The following PHTF1 variants were observed in gnomAD, a reference collection of about 807,000 sequenced individuals.
The protein encoded by PHTF1 is protein PHTF1.
Under a neutral mutation model 102.4 loss-of-function variants are expected in PHTF1, and 88 were observed. The observed-to-expected ratio is 0.86, with a 90% CI of 0.72 to 1.03. The LOEUF (loss-of-function observed/expected upper bound fraction) is 1.03. Ranked by LOEUF, PHTF1 falls within the 50% of genes least tolerant of loss-of-function variation. The probability of loss-of-function intolerance (pLI) is 0.00; values close to 1 mark genes in which losing one functional copy is unlikely to be tolerated. For synonymous variants in PHTF1, 289 were observed against 305.2 expected, an observed-to-expected ratio of 0.95 and a Z score of 0.55; for missense variants, 814 against 909.5, an observed-to-expected ratio of 0.89 and a Z score of 1.35.
chr1:113,750,100 T>TC (rs1557972787), intron 3 of PHTF1, among the ~76,000 whole-genome samples: 1 of 151,870 alleles, frequency 6.6e-6, no homozygotes, highest in African/African-American at 2.4e-5. Flanking sequence ...GCTCAGGCGA[T>TC]CCCCCCCAAC....
At chr1:113,723,937 A>C (rs1348133007) in intron 7 of PHTF1, among the ~76,000 whole-genome samples, 1 of 152,204 alleles carries the variant, frequency 6.6e-6, no homozygotes, top group African/African-American at 2.4e-5. Context: ...AAAATCTAAT[A>C]ATCTGATTTT....
At chr1:113,700,405 T>C (rs944962851) in intron 16 of PHTF1, among the ~76,000 whole-genome samples, 2 of 152,220 alleles carry the variant, frequency 1.3e-5, no homozygotes, top group Non-Finnish European at 2.9e-5. Context: ...AAACCAAGTA[T>C]CTTCCAAACA....
rs759890647 is a variant in PHTF1, at chr1:113,724,933, C to G, written c.489-40G>C. The stretch of plus-strand genomic sequence containing the variant: ...TTCAATAACTTCAGATTATTCAAGA[C>G]CCTTTCTATTTCTGCCAAAAATATC... On this transcript the variant is annotated intron_variant, in intron 6 of 18. Transcript: ENST00000369604. 6 of 1,476,256 alleles carry G rather than the reference C, an allele frequency of 4.1e-6. No individual in the cohort carries two copies. The East Asian group carries it at 1.4e-4, about 34-fold the overall frequency. 91.4% of individuals were successfully genotyped at this position (1,476,256 alleles called of 1,614,324 possible). A position where few individuals can be genotyped will look rare whatever the true frequency, so the allele number is the denominator to read the frequency against.
intron 3 of PHTF1, among the ~76,000 whole-genome samples, chr1:113,742,230 C>T (rs553061364): frequency 3.3e-5 from 5 of 152,292 alleles, no homozygotes; most frequent in African/African-American, 1.2e-4. Flanking sequence ...TGCTCCGAGG[C>T]TACAAATCTG....
chr1:113,708,738 G>T (rs1251099701), intron 11 of PHTF1, among the ~76,000 whole-genome samples: 2 of 152,214 alleles, frequency 1.3e-5, no homozygotes, highest in East Asian at 3.9e-4. Flanking sequence ...GAACAGGATT[G>T]GAAAATGATT....
At chr1:113,724,551 A>C (rs925519220) in intron 7 of PHTF1, among the ~76,000 whole-genome samples, 2 of 151,926 alleles carry the variant, frequency 1.3e-5, no homozygotes, top group Non-Finnish European at 2.9e-5. Flanking sequence ...AAAAAAAAAA[A>C]AAAAAAACAG....
chr1:113,699,528 G>T, intron 17 of PHTF1, 176 bp downstream of exon 17: 1 of 660,470 alleles, frequency 1.5e-6, no homozygotes. Flanking sequence ...GGAGCTCTGT[G>T]ACCTCAGCTC....
At chr1:113,717,107 TGG>T (rs1400448994) in intron 7 of PHTF1, among the ~76,000 whole-genome samples, 1 of 152,212 alleles carries the variant, frequency 6.6e-6, no homozygotes, top group Non-Finnish European at 1.5e-5. Flanking sequence ...TTCTCTTTGC[TGG>T]TTTATGAGTT....
intron 3 of PHTF1, among the ~76,000 whole-genome samples, chr1:113,757,339 T>G (rs1173753532): frequency 1.3e-5 from 2 of 152,150 alleles, no homozygotes; most frequent in East Asian, 3.8e-4. Context: ...AAATGCACAA[T>G]ATATTTCATA....
chr1:113,758,897 G>A lies in PHTF1; in HGVS notation c.-31+126C>T, dbSNP rs1004889215. 1.1e-5 allele frequency: 14 copies of A among 1,302,528 alleles called. No individual in the cohort carries two copies. In the East Asian group the frequency reaches 4.5e-4, roughly 42 times the overall value. 80.7% of individuals were successfully genotyped at this position (1,302,528 alleles called of 1,614,324 possible). ...AAACAAACAAAAAAAAACTGGCGCA[G>A]CGGCGACCGGAGAAGCCTCTGCAAT... On this transcript the variant is annotated intron_variant, in intron 1 of 18. Coordinates refer to ENST00000369604, the MANE Select transcript of PHTF1 (RefSeq NM_001323043.2).
intron 3 of PHTF1, among the ~76,000 whole-genome samples, chr1:113,748,331 A>AT (rs1425003286): frequency 1.3e-5 from 2 of 152,038 alleles, no homozygotes; most frequent in Non-Finnish European, 2.9e-5. Flanking sequence ...TTCTGGGGCA[A>AT]TTTTTAAAAT....
chr1:113,698,769 T>C, intron 17 of PHTF1: 1 of 198,922 alleles, frequency 5.0e-6, no homozygotes. Flanking sequence ...GGTCAGCATT[T>C]TGAATCTACA....
At chr1:113,752,639 C>T (rs1375445751) in intron 3 of PHTF1, among the ~76,000 whole-genome samples, 1 of 152,102 alleles carries the variant, frequency 6.6e-6, no homozygotes, top group Non-Finnish European at 1.5e-5. Context: ...CCGCCTTGGC[C>T]TCCCAAAGTG....
intron 15 of PHTF1, 69 bp from the exon 16 acceptor site, chr1:113,701,018 C>A (rs1649382747): frequency 1.1e-5 from 13 of 1,177,624 alleles, no homozygotes; most frequent in African/African-American, 1.6e-5. Context: ...CTCTTTTACT[C>A]TGTCAATTTA....
intron 6 of PHTF1, 69 bp from the exon 7 acceptor site, chr1:113,724,962 A>ACAGAAAATT: frequency 9.0e-7 from 1 of 1,106,810 alleles, no homozygotes. Flanking sequence ...AAATATCCCT[A>ACAGAAAATT]CAGAAAATTA....
rs559013409 is a variant in PHTF1 at position 113,705,758 on chromosome 1, T to G, written c.1671+132A>C. 2.1e-5 allele frequency: 14 copies of G among 677,158 alleles called. No individual in the cohort carries two copies. In the African/African-American group the frequency reaches 2.4e-4, roughly 11 times the overall value. The allele number at this position is 677,158 out of a possible 1,614,324, so 41.9% of individuals were successfully genotyped here. On this transcript the variant is annotated intron_variant, in intron 13 of 18. Transcript: ENST00000369604. ...AACACAAACAATAAATCCACAAATA[T>G]CAAAAGTCCACTTATCAATCCTTTA...
Position 113,738,206 on chromosome 1 carries a change from C to A in PHTF1, c.235G>T (p.Val79Phe). 6.2e-7 allele frequency: 1 copy of A among 1,613,648 alleles called. No homozygotes were observed. Among genetic ancestry groups the A allele is most frequent in the Middle Eastern group, 1.6e-4 (1 of 6,062 alleles). Residue 79 changes from valine to phenylalanine, a missense_variant, in exon 5 of 19, where the codon GTT (valine) becomes TTT (phenylalanine). Physicochemically the swap from Val to Phe is conservative, Grantham distance 50. Transcript: ENST00000369604. ...PWTSLTRKGL[V>F]RVVFFPLFSN... ...AACAATGGAAAAAATACAACTCGAA[C>A]AAGCCCCTTCCGAGTCAGAGATGTC... is the stretch of plus-strand genomic sequence containing the variant.
intron 7 of PHTF1, among the ~76,000 whole-genome samples, chr1:113,724,034 G>T (rs1396194029): frequency 6.6e-6 from 1 of 152,080 alleles, no homozygotes; most frequent in East Asian, 1.9e-4. Flanking sequence ...TCATATCATT[G>T]ATCACAGAAA....
At chr1:113,756,220 C>CA (rs966268024) in intron 3 of PHTF1, among the ~76,000 whole-genome samples, 5 of 152,066 alleles carry the variant, frequency 3.3e-5, no homozygotes, top group Non-Finnish European at 7.4e-5. Context: ...TAGCAGCTCA[C>CA]AAAAAAATAA....
Sources: gnomAD v4.1 joint callset for allele counts (sites outside exome capture counted in the v4.1 genomes callset) on GRCh38, gnomAD v4.1.1 for gene constraint, MANE v1.5 for transcripts, NCBI Gene and HGNC (gene_info 2026-07-23, HGNC 2026-07-21) for gene names.